Variants in PBX4 observed in about 807,000 individuals in gnomAD.
The protein encoded by PBX4 is pre-B-cell leukemia transcription factor 4.
A neutral mutation model predicts 35.1 loss-of-function variants in PBX4; 26 were observed. The ratio of observed to expected loss-of-function variants is 0.74; its 90% CI spans 0.54 to 1.03. PBX4 has a LOEUF of 1.03. Among genes scored for constraint, PBX4 ranks in the 50% least tolerant of loss-of-function variants. The probability of loss-of-function intolerance (pLI) is 0.00; values close to 1 mark genes in which losing one functional copy is unlikely to be tolerated. For synonymous variants in PBX4, 199 were observed against 204.2 expected, an observed-to-expected ratio of 0.97 and a Z score of 0.22; for missense variants, 448 against 504.3, an observed-to-expected ratio of 0.89 and a Z score of 1.07.
At chr19:19,575,236 C>CAAA (rs34956246) in intron 2 of PBX4, among the ~76,000 whole-genome samples, 6 of 93,678 alleles carry the variant, frequency 6.4e-5, no homozygotes, top group South Asian at 3.6e-4. Flanking sequence ...GACTCTGTCT[C>CAAA]AAAAAAAAAA....
chr19:19,581,382 C>T (rs1332948401), intron 2 of PBX4, among the ~76,000 whole-genome samples: 1 of 152,194 alleles, frequency 6.6e-6, no homozygotes, highest in Non-Finnish European at 1.5e-5. Flanking sequence ...TGAACCACCC[C>T]AGTCCCAGAT....
Position 19,569,539 on chromosome 19 carries a change from AT to A in PBX4, c.677del (p.Asn226MetfsTer8), listed in dbSNP as rs1350344478. 6.2e-7 allele frequency: 1 copy of A among 1,613,840 alleles called. No homozygotes were observed. Among genetic ancestry groups the A allele is most frequent in the Middle Eastern group, 1.7e-4 (1 of 6,056 alleles). On this transcript the variant is annotated frameshift_variant, in exon 5 of 8. Coordinates refer to ENST00000251203, the MANE Select transcript of PBX4 (RefSeq NM_025245.3). LOFTEE classifies it high-confidence loss of function. ...NFSKQATEVL[N>X]EYFYSHLNNP... ...TGTTCAGATGGGAGTAAAAATACTC[AT>A]TCAGCACTTCCGTCGCCTGCTTGCT...
intron 2 of PBX4, chr19:19,588,180 TCTC>T: frequency 2.0e-5 from 26 of 1,309,930 alleles, no homozygotes; most frequent in Non-Finnish European, 2.8e-5. Context: ...TCCCTATTCT[TCTC>T]CTGGATGGTG....
chr19:19,569,406 A>G (rs1057183965), intron 5 of PBX4, 43 bp downstream of exon 5: 1 of 1,576,404 alleles, frequency 6.3e-7, no homozygotes, highest in Non-Finnish European at 8.6e-7. Context: ...CTAGTCATCC[A>G]CTCCTCCCAG....
At chr19:19,614,926 G>A (rs1242631967) in intron 1 of PBX4, among the ~76,000 whole-genome samples, 18 of 151,884 alleles carry the variant, frequency 1.2e-4, no homozygotes, top group African/African-American at 2.4e-5. Context: ...TTGGGAGGCC[G>A]AGGTGGGTGG....
intron 1 of PBX4, chr19:19,608,389 G>A (rs1156862339): frequency 1.3e-5 from 2 of 151,532 alleles, no homozygotes; most frequent in African/African-American, 2.4e-5. Flanking sequence ...CTCCCACCTG[G>A]GCAACAGAGT....
In PBX4 at chr19:19,563,293, G is replaced by A. The variant is rs1355479091; in HGVS notation, c.1032+216C>T. Among the ~76,000 whole-genome samples the A allele has an allele frequency of 3.9e-5, 6 of 152,102 alleles. No individual in the cohort carries two copies. The highest frequency in any genetic ancestry group is 1.4e-4 in the African/African-American group (6 of 41,412). On this transcript the variant is annotated intron_variant, in intron 7 of 7. Coordinates refer to ENST00000251203, the MANE Select transcript of PBX4 (RefSeq NM_025245.3). This position sits in a 1 kb window ranked among gnomAD's most constrained non-coding sequence, Gnocchi z 5.1. ...TTCATCCCCACTGACTGTTCCCAGCGGCTGCCGTGGTGACAAGTGGAGGTG... is the reference window on the plus strand; with the variant it reads ...TTCATCCCCACTGACTGTTCCCAGCAGCTGCCGTGGTGACAAGTGGAGGTG...
Position 19,561,928 on chromosome 19 carries a change from G to T in PBX4, c.*97C>A, listed in dbSNP as rs2061308434. The T allele has an allele frequency of 9.5e-7, 1 of 1,055,862 alleles. No homozygotes were observed. The highest frequency in any genetic ancestry group is 1.4e-6 in the Non-Finnish European group (1 of 737,972). The allele number at this position is 1,055,862 out of a possible 1,614,324, so 65.4% of individuals were successfully genotyped here. On this transcript the variant is annotated 3_prime_UTR_variant, in exon 8 of 8. Coordinates refer to ENST00000251203, the MANE Select transcript of PBX4 (RefSeq NM_025245.3). ...GCTCATGGGCACCACCACCCATCTG[G>T]GTTTTCTGAGGTCGTCGGCGGCACG...
chr19:19,603,906 G>A (rs2061612905), intron 1 of PBX4, among the ~76,000 whole-genome samples: 1 of 143,226 alleles, frequency 7.0e-6, no homozygotes, highest in Admixed American at 7.3e-5. Flanking sequence ...AGGTTGCAGT[G>A]AGCCGAGAAC....
intron 2 of PBX4, among the ~76,000 whole-genome samples, chr19:19,571,588 C>A (rs2061383127): frequency 6.6e-6 from 1 of 152,066 alleles, no homozygotes; most frequent in Non-Finnish European, 1.5e-5. Context: ...CAGAGAACCC[C>A]CAGGATTCGT....
At chr19:19,589,327 C>T (rs552627547) in intron 2 of PBX4, among the ~76,000 whole-genome samples, 33 of 151,712 alleles carry the variant, frequency 2.2e-4, no homozygotes, top group African/African-American at 6.1e-4. Flanking sequence ...ACTCAGGAGG[C>T]GGAGGCAGGA....
chr19:19,601,928 C>A (rs376117277), intron 1 of PBX4, among the ~76,000 whole-genome samples: 2 of 152,216 alleles, frequency 1.3e-5, no homozygotes, highest in South Asian at 4.2e-4. Context: ...CGCTGGAGCT[C>A]AGGAGTTTGA....
chr19:19,565,315 A>T (rs2061335107), intron 5 of PBX4, among the ~76,000 whole-genome samples: 1 of 152,154 alleles, frequency 6.6e-6, no homozygotes, highest in Non-Finnish European at 1.5e-5. Context: ...GTGTCTTAGA[A>T]CTCTGCTGCC....
chr19:19,602,586 A>G (rs757754780), intron 1 of PBX4, among the ~76,000 whole-genome samples: 1 of 152,038 alleles, frequency 6.6e-6, no homozygotes, highest in Admixed American at 6.6e-5. Flanking sequence ...TGGTGCTACC[A>G]TGCCTGGCTA....
At chr19:19,570,028 G>A in intron 4 of PBX4, 81 bp downstream of exon 4, 5 of 1,445,750 alleles carry the variant, frequency 3.5e-6, no homozygotes, top group South Asian at 1.4e-5. Flanking sequence ...CTCCAGGGCT[G>A]TCTTCAACCC....
At chr19:19,574,452 C>T (rs934375112) in intron 2 of PBX4, among the ~76,000 whole-genome samples, 1 of 152,110 alleles carries the variant, frequency 6.6e-6, no homozygotes, top group Admixed American at 6.6e-5. Context: ...AAAACACCCC[C>T]TCTCCCTGAG....
In PBX4 at chr19:19,570,204, G is replaced by A. The variant is rs150208525; in HGVS notation, c.537C>T (p.Gly179=). 6 of 1,614,020 alleles carry A rather than the reference G, an allele frequency of 3.7e-6. No homozygotes were observed. Among genetic ancestry groups the A allele is most frequent in the African/African-American group, 2.7e-5 (2 of 74,952 alleles). Residue 179 remains glycine, a synonymous_variant, in exon 4 of 8, where the codon GGC becomes GGT. Coordinates refer to ENST00000251203, the MANE Select transcript of PBX4 (RefSeq NM_025245.3). ...TGGCGCTGAACTTGCCGTGAATGGC[G>A]CCGACCATGCGCTCAATCTCCTTAG... ...VSPKEIERMV[G]AIHGKFSAIQ... is the part of the protein sequence containing the mutation.
At chr19:19,595,558 A>G (rs1446054021) in intron 2 of PBX4, among the ~76,000 whole-genome samples, 1 of 152,088 alleles carries the variant, frequency 6.6e-6, no homozygotes, top group Non-Finnish European at 1.5e-5. Context: ...GCTCCCCACA[A>G]TTTAAATAAG....
In PBX4 at chr19:19,588,074, G is replaced by C. The variant is rs911428776; in HGVS notation, c.193+11218C>G. 2.2e-5 allele frequency: 17 copies of C among 777,954 alleles called. No individual in the cohort carries two copies. In the African/African-American group the frequency reaches 3.0e-4, roughly 14 times the overall value. 48.2% of individuals were successfully genotyped at this position (777,954 alleles called of 1,614,324 possible). The stretch of plus-strand genomic sequence containing the variant: ...CTTGATGTGGGGCGGTGGGGAGGAA[G>C]GGGCCACTTACCAATCACCTCTTCT... On this transcript the variant is annotated intron_variant, in intron 2 of 7. Transcript: ENST00000251203.
Sources: allele counts gnomAD v4.1 joint callset (sites outside exome capture counted in the v4.1 genomes callset), GRCh38; gene constraint gnomAD v4.1.1; non-coding constraint Gnocchi (gnomAD v3.1); transcripts MANE v1.5; gene names NCBI Gene and HGNC (gene_info 2026-07-23, HGNC 2026-07-21).